The following PLD5 variants were observed in gnomAD, a reference collection of about 807,000 sequenced individuals.
PLD5 encodes the protein inactive phospholipase D5.
A neutral mutation model predicts 61.1 loss-of-function variants in PLD5; 36 were observed. The observed-to-expected ratio is 0.59, with a 90% confidence interval of 0.45 to 0.78. The LOEUF (loss-of-function observed/expected upper bound fraction) is 0.78. Among genes scored for constraint, PLD5 ranks in the 30% least tolerant of loss-of-function variants. The pLI is 0.00. For synonymous variants in PLD5, 243 were observed against 242.8 expected, an observed-to-expected ratio of 1.00 and a Z score of -0.01; for missense variants, 515 against 644.4, an observed-to-expected ratio of 0.80 and a Z score of 2.17.
intron 5 of PLD5, among the ~76,000 whole-genome samples, chr1:242,149,259 C>T (rs111353121): frequency 2.6e-4 from 40 of 151,908 alleles, no homozygotes; most frequent in South Asian, 2.1e-4. Flanking sequence ...GATAATTTTA[C>T]GGGTTTGCTT....
chr1:242,217,704 C>A (rs536872318), intron 5 of PLD5, among the ~76,000 whole-genome samples: 4 of 152,248 alleles, frequency 2.6e-5, no homozygotes, highest in African/African-American at 7.2e-5. Flanking sequence ...AGATTCTAAC[C>A]CTCATGGATG....
rs997513523 is a variant in PLD5, at chr1:242,084,334, C to T, written c.*5520G>A. ...AAAGTATGCCTCTCAGATTGATTCT[C>T]TTTATGAAAACAGCACCCACCTTAT... is the stretch of plus-strand genomic sequence containing the variant. On this transcript the variant is annotated 3_prime_UTR_variant, in exon 10 of 10. Coordinates refer to ENST00000536534, the MANE Select transcript of PLD5 (RefSeq NM_001372062.1). The T allele has an allele frequency of 6.6e-6, 1 of 152,054 alleles. No homozygotes were observed. The highest frequency in any genetic ancestry group is 2.4e-5 in the African/African-American group (1 of 41,406). The allele number at this position is 152,054 out of a possible 1,614,324, so 9.4% of individuals were successfully genotyped here. A position where few individuals can be genotyped will look rare whatever the true frequency, so the allele number is the denominator to read the frequency against.
At chr1:242,146,376 T>C (rs1278913175) in intron 5 of PLD5, among the ~76,000 whole-genome samples, 2 of 152,182 alleles carry the variant, frequency 1.3e-5, no homozygotes, top group East Asian at 3.8e-4. Context: ...CCTGAACATT[T>C]AGATGAAAAG....
At chr1:242,193,908 A>G (rs1044855126) in intron 5 of PLD5, among the ~76,000 whole-genome samples, 1 of 152,238 alleles carries the variant, frequency 6.6e-6, no homozygotes, top group Non-Finnish European at 1.5e-5. Context: ...CAAAGTCTTC[A>G]CTGTCAGAAT....
chr1:242,284,224 G>A (rs1190186233), intron 3 of PLD5, among the ~76,000 whole-genome samples: 1 of 126,376 alleles, frequency 7.9e-6, no homozygotes, highest in African/African-American at 3.0e-5. Context: ...TGCAGCCTCC[G>A]CCTCCCGGGT....
chr1:242,304,473 A>AT (rs766007331), intron 2 of PLD5, among the ~76,000 whole-genome samples: 2 of 152,210 alleles, frequency 1.3e-5, no homozygotes, highest in African/African-American at 4.8e-5. Flanking sequence ...GAGTTGACAC[A>AT]TTGAAGGGGA....
At chr1:242,234,424 CTTT>C (rs983698132) in intron 4 of PLD5, among the ~76,000 whole-genome samples, 1 of 151,992 alleles carries the variant, frequency 6.6e-6, no homozygotes, top group Non-Finnish European at 1.5e-5. Context: ...TGGCATTGAA[CTTT>C]TTTTTCAGAA....
chr1:242,527,057 A>T (rs1425807000), upstream of PLD5, among the ~76,000 whole-genome samples: 3 of 148,850 alleles, frequency 2.0e-5, no homozygotes, highest in Non-Finnish European at 4.4e-5. Flanking sequence ...GATTTTTTTT[A>T]AACTATACCT....
At chr1:242,480,690 C>G (rs769098679) in intron 1 of PLD5, among the ~76,000 whole-genome samples, 1 of 152,086 alleles carries the variant, frequency 6.6e-6, no homozygotes, top group Non-Finnish European at 1.5e-5. Flanking sequence ...TGCAAAAGAT[C>G]TGAACAGGCA....
At chr1:242,287,199 T>A (rs1031651537) in intron 3 of PLD5, among the ~76,000 whole-genome samples, 21 of 152,194 alleles carry the variant, frequency 1.4e-4, no homozygotes, top group Admixed American at 1.3e-3. Flanking sequence ...TCACCCCAGC[T>A]GAGATACCAG....
intron 1 of PLD5, among the ~76,000 whole-genome samples, chr1:242,504,232 A>T (rs1371051165): frequency 3.5e-4 from 54 of 152,246 alleles, no homozygotes; most frequent in Non-Finnish European, 1.6e-4. Context: ...AAAAGTTCAA[A>T]GGAACCCAAA....
chr1:242,145,707 C>T lies in PLD5; in HGVS notation c.736-21042G>A, dbSNP rs146075857. ...GAAAAGTCCACTTTTCTGTCTCGCC[C>T]TGTTGCCCAGGTTGGAGTACAGTGG... is the stretch of plus-strand genomic sequence containing the variant. On this transcript the variant is annotated intron_variant, in intron 5 of 9. Transcript: ENST00000536534. Among the ~76,000 whole-genome samples the T allele has an allele frequency of 1.3e-3, 191 of 152,306 alleles. 7 individuals are homozygous for T. The East Asian group carries it at 0.033, about 26-fold the overall frequency.
intron 1 of PLD5, among the ~76,000 whole-genome samples, chr1:242,424,052 C>T (rs1202520922): frequency 6.6e-6 from 1 of 152,162 alleles, no homozygotes; most frequent in Non-Finnish European, 1.5e-5. Flanking sequence ...ACAGTGATAA[C>T]ACTGCTGAGC....
chr1:242,203,844 G>A (rs1550127), intron 5 of PLD5: 22,251 of 152,142 alleles, frequency 0.15, 1,847 homozygotes, highest in Non-Finnish European at 0.18. Flanking sequence ...TTATTCTCCC[G>A]TAAGTGGTCT....
intron 5 of PLD5, among the ~76,000 whole-genome samples, chr1:242,175,369 T>C (rs1667068262): frequency 6.6e-6 from 1 of 152,194 alleles, no homozygotes; most frequent in South Asian, 2.1e-4. Context: ...TCTCAATAGA[T>C]GCAGAAAAGG....
chr1:242,120,566 G>GCAGCATCAAGTTCT, intron 6 of PLD5, among the ~76,000 whole-genome samples: 1 of 152,126 alleles, frequency 6.6e-6, no homozygotes, highest in Non-Finnish European at 1.5e-5. Flanking sequence ...TGTGATGCAG[G>GCAGCATCAAGTTCT]ATTTTTCCAT....
At position 242,112,323 on chromosome 1, in the gene PLD5, GTA is replaced by G. The variant is rs1491036599; in HGVS notation, c.1070+1565_1070+1566del. 1.9e-4 allele frequency among the ~76,000 whole-genome samples: 15 copies of G among 80,626 alleles called. No individual in the cohort carries two copies. The South Asian group carries it at 3.1e-3, about 17-fold the overall frequency. The allele number at this position is 80,626 out of a possible 152,430, so 52.9% of individuals were successfully genotyped here. A position where few individuals can be genotyped will look rare whatever the true frequency, so the allele number is the denominator to read the frequency against. On this transcript the variant is annotated intron_variant, in intron 7 of 9. Transcript: ENST00000536534. ...TGTGTGTGTGTGTGTGTGTGTGTGTGTATGTATGTATATGTGTATATATATAT... is the reference window on the plus strand; with the variant it reads ...TGTGTGTGTGTGTGTGTGTGTGTGTGTGTATGTATATGTGTATATATATAT...
chr1:242,454,986 AG>A (rs1303716715), intron 1 of PLD5, among the ~76,000 whole-genome samples: 1 of 152,180 alleles, frequency 6.6e-6, no homozygotes. Context: ...ATCAGGGTAT[AG>A]TTCTCCAGCT....
At chr1:242,258,401 T>C (rs1187731970) in intron 4 of PLD5, among the ~76,000 whole-genome samples, 2 of 152,232 alleles carry the variant, frequency 1.3e-5, no homozygotes, top group East Asian at 3.8e-4. Flanking sequence ...TTTAACTTAA[T>C]TAACTTATTA....
Sources: allele counts gnomAD v4.1 joint callset (sites outside exome capture counted in the v4.1 genomes callset), GRCh38; gene constraint gnomAD v4.1.1; transcripts MANE v1.5; gene names NCBI Gene and HGNC (gene_info 2026-07-23, HGNC 2026-07-21).